Variants in DNMBP observed in about 807,000 individuals in gnomAD.
DNMBP encodes the protein dynamin binding protein, also known as dynamin-binding protein.
Under a neutral mutation model 150.0 loss-of-function variants are expected in DNMBP, and 87 were observed. That is an observed-to-expected ratio of 0.58 (90% confidence interval 0.49 to 0.69). The LOEUF (loss-of-function observed/expected upper bound fraction) is 0.69. Ranked by LOEUF, DNMBP falls within the 30% of genes least tolerant of loss-of-function variation. The pLI, the probability that DNMBP is intolerant of heterozygous loss-of-function variation, is 0.00. For missense variants in DNMBP, 1,774 were observed against 1,949.0 expected (o/e 0.91, Z 1.69); for synonymous variants, 711 against 750.4 (o/e 0.95, Z 0.86).
chr10:99,882,602 C>A (rs1275096066), intron 15 of DNMBP, among the ~76,000 whole-genome samples: 3 of 151,562 alleles, frequency 2.0e-5, no homozygotes, highest in Non-Finnish European at 4.4e-5. Context: ...CGCACCGTAC[C>A]CCATAGATAT....
At chr10:99,982,574 T>C (rs2133367299) in intron 1 of DNMBP, among the ~76,000 whole-genome samples, 1 of 152,200 alleles carries the variant, frequency 6.6e-6, no homozygotes, top group Middle Eastern at 3.4e-3. Context: ...GAGACATACA[T>C]TTTGAAGGTT....
At chr10:99,958,636 G>A (rs2040526110) in intron 3 of DNMBP, among the ~76,000 whole-genome samples, 1 of 152,148 alleles carries the variant, frequency 6.6e-6, no homozygotes, top group African/African-American at 2.4e-5. Context: ...CCATGGGCTT[G>A]GCAGCTTTCC....
intron 1 of DNMBP, among the ~76,000 whole-genome samples, chr10:99,991,455 C>T (rs2040890122): frequency 6.6e-6 from 1 of 152,028 alleles, no homozygotes. Flanking sequence ...TAGGCAAACA[C>T]TAATCTACTT....
intron 4 of DNMBP, chr10:99,930,228 AT>A: frequency 1.4e-6 from 1 of 703,018 alleles, no homozygotes; most frequent in South Asian, 1.5e-5. Flanking sequence ...CTCATGGTCT[AT>A]ATACCACAAC....
At chr10:99,915,576 G>A (rs559184571) in intron 4 of DNMBP, among the ~76,000 whole-genome samples, 32 of 152,038 alleles carry the variant, frequency 2.1e-4, no homozygotes, top group Admixed American at 1.9e-3. Context: ...TTAGCTGGGC[G>A]TGGTAGCACG....
In DNMBP at chr10:99,898,732, A is replaced by C; in HGVS notation, c.2720+11T>G. Reference sequence around the variant, plus strand: ...AAATGAGCGCATACATCAAGCAGCAATGGAACTTACCATTCGTTGTATAGG... The same window carrying C: ...AAATGAGCGCATACATCAAGCAGCACTGGAACTTACCATTCGTTGTATAGG... On this transcript the variant is annotated intron_variant, in intron 8 of 16. Coordinates refer to ENST00000324109, the MANE Select transcript of DNMBP (RefSeq NM_015221.4). 1 of 1,613,848 alleles carries C rather than the reference A, an allele frequency of 6.2e-7. No homozygotes were observed. The highest frequency in any genetic ancestry group is 2.2e-5 in the East Asian group (1 of 44,866).
intron 3 of DNMBP, among the ~76,000 whole-genome samples, chr10:99,960,671 G>GT (rs1251316286): frequency 2.6e-5 from 4 of 152,030 alleles, no homozygotes; most frequent in African/African-American, 9.7e-5. Flanking sequence ...CCAGGTGGGG[G>GT]GGTGCACGCC....
At chr10:99,891,230 C>T (rs552955300) in intron 11 of DNMBP, among the ~76,000 whole-genome samples, 2 of 146,310 alleles carry the variant, frequency 1.4e-5, no homozygotes, top group African/African-American at 2.6e-5. Context: ...CCCTCTCATG[C>T]GGAGCCAAAG....
chr10:99,970,251 T>C (rs1211756260), intron 2 of DNMBP, among the ~76,000 whole-genome samples: 2 of 152,134 alleles, frequency 1.3e-5, no homozygotes, highest in Non-Finnish European at 2.9e-5. Flanking sequence ...GTCAACAGAG[T>C]GTGCTCGAAG....
chr10:99,909,637 G>T (rs1051712138), intron 4 of DNMBP, among the ~76,000 whole-genome samples: 2 of 152,130 alleles, frequency 1.3e-5, no homozygotes, highest in African/African-American at 4.8e-5. Context: ...CTGAGATCTG[G>T]ATAATTATAG....
chr10:99,961,243 T>C (rs1366002387), intron 3 of DNMBP, among the ~76,000 whole-genome samples: 1 of 147,850 alleles, frequency 6.8e-6, no homozygotes, highest in African/African-American at 2.5e-5. Flanking sequence ...TAATTCCTTC[T>C]TTCAAAATAT....
chr10:99,929,192 G>T (rs2040116836), intron 4 of DNMBP, among the ~76,000 whole-genome samples: 1 of 150,964 alleles, frequency 6.6e-6, no homozygotes, highest in Non-Finnish European at 1.5e-5. Context: ...TTCCATTAAT[G>T]TCCAAAGAAG....
At chr10:99,992,832 A>G (rs778726541) in intron 1 of DNMBP, among the ~76,000 whole-genome samples, 17 of 152,086 alleles carry the variant, frequency 1.1e-4, no homozygotes, top group Non-Finnish European at 1.9e-4. Flanking sequence ...GGCCGAGTCT[A>G]GGAGTTTTAA....
chr10:99,915,283 AAC>A (rs1379929992), intron 4 of DNMBP, among the ~76,000 whole-genome samples: 3 of 151,442 alleles, frequency 2.0e-5, no homozygotes, highest in Non-Finnish European at 4.4e-5. Flanking sequence ...CTGGAAGGAA[AAC>A]ACACGAAATT....
chr10:99,901,406 G>C (rs1201672681), intron 6 of DNMBP, among the ~76,000 whole-genome samples: 1 of 152,108 alleles, frequency 6.6e-6, no homozygotes, highest in Non-Finnish European at 1.5e-5. Context: ...TGTGACTTCT[G>C]TTGGTGACAA....
Position 99,940,261 on chromosome 10 carries a change from G to A in DNMBP, c.2260+14953C>T, listed in dbSNP as rs931594522. Among the ~76,000 whole-genome samples, 9 of 152,174 alleles carry A rather than the reference G, an allele frequency of 5.9e-5. No homozygotes were observed. The South Asian group carries it at 1.9e-3, about 32-fold the overall frequency. ...TCTAGCTTAGAGGTTAAGTGCACAGGCTTTGATAGCCCTGGACTTAAATCC... is the reference window on the plus strand; with the variant it reads ...TCTAGCTTAGAGGTTAAGTGCACAGACTTTGATAGCCCTGGACTTAAATCC... On this transcript the variant is annotated intron_variant, in intron 4 of 16. Coordinates refer to ENST00000324109, the MANE Select transcript of DNMBP (RefSeq NM_015221.4).
chr10:99,958,950 G>A (rs903689362), intron 3 of DNMBP, among the ~76,000 whole-genome samples: 56 of 152,152 alleles, frequency 3.7e-4, no homozygotes, highest in African/African-American at 1.4e-3. Context: ...ATGAATATTT[G>A]CAATTATTTG....
intron 1 of DNMBP, among the ~76,000 whole-genome samples, chr10:99,975,168 C>G (rs2133359026): frequency 6.6e-6 from 1 of 152,166 alleles, no homozygotes; most frequent in African/African-American, 2.4e-5. Context: ...CGAGACCAGC[C>G]TGACCAACAT....
rs140760592 is a variant in DNMBP at position 99,899,931 on chromosome 10, A to G, written c.2690T>C (p.Leu897Ser). ...TCAAAACTCCTACTTCAGATCTGCC[A>G]AGGAGTCCTGAAGATGCTTCTGGAT... is the stretch of plus-strand genomic sequence containing the variant. The part of the protein sequence containing the change: ...EKIQKHLQDS[L>S]ADLKSLYNEW... The change falls in exon 7 of 17, where the codon TTG (leucine) becomes TCG (serine). Residue 897 changes from leucine to serine, a missense_variant. Around this residue, in one of 2 missense-constraint regions of DNMBP, gnomAD observed 1,430 missense variants for 1,492.5 expected, o/e 0.96. Transcript: ENST00000324109. 5 of 1,614,042 alleles carry G rather than the reference A, an allele frequency of 3.1e-6. No individual in the cohort carries two copies. The African/African-American group carries it at 6.7e-5, about 22-fold the overall frequency.
Sources: gnomAD v4.1 joint callset for allele counts (sites outside exome capture counted in the v4.1 genomes callset) on GRCh38, gnomAD v4.1.1 for gene constraint, gnomAD v4.1.1 regional missense constraint, MANE v1.5 for transcripts, NCBI Gene and HGNC (gene_info 2026-07-23, HGNC 2026-07-21) for gene names.